Variants in PEBP4 observed in about 807,000 individuals in gnomAD.
PEBP4 encodes the protein phosphatidylethanolamine binding protein 4.
PEBP4 carries 22 observed loss-of-function variants against 23.9 expected under a neutral mutation model. The observed-to-expected ratio is 0.92, with a 90% CI of 0.66 to 1.31. The LOEUF is 1.31. PEBP4 is among the 40% of genes most tolerant of loss of function. The pLI, the probability that PEBP4 is intolerant of heterozygous loss-of-function variation, is 0.00. For synonymous variants in PEBP4, 112 were observed against 99.3 expected, an observed-to-expected ratio of 1.13 and a Z score of -0.76; for missense variants, 324 against 281.7, an observed-to-expected ratio of 1.15 and a Z score of -1.07.
chr8:22,931,734 C>T (rs1374828086), upstream of PEBP4, among the ~76,000 whole-genome samples: 1 of 152,198 alleles, frequency 6.6e-6, no homozygotes, highest in East Asian at 1.9e-4. Context: ...CAGGCACGCA[C>T]CACTATGCCC....
intron 4 of PEBP4, among the ~76,000 whole-genome samples, chr8:22,786,090 C>G (rs1185819052): frequency 6.6e-6 from 1 of 152,174 alleles, no homozygotes; most frequent in Non-Finnish European, 1.5e-5. Context: ...GGCTGTCTTT[C>G]CCTTCCTCCT....
intron 3 of PEBP4, among the ~76,000 whole-genome samples, chr8:22,913,970 T>C (rs1809009884): frequency 6.7e-6 from 1 of 149,238 alleles, no homozygotes; most frequent in African/African-American, 2.5e-5. Context: ...AGGTGTGAAC[T>C]ACCAGGCCTG....
chr8:22,921,662 G>T (rs946959238), intron 2 of PEBP4, among the ~76,000 whole-genome samples: 2 of 152,260 alleles, frequency 1.3e-5, no homozygotes, highest in African/African-American at 2.4e-5. Flanking sequence ...TGGTCTCAGA[G>T]AGTGGAAGCC....
chr8:22,842,972 C>G (rs753895732), intron 3 of PEBP4, among the ~76,000 whole-genome samples: 1 of 152,120 alleles, frequency 6.6e-6, no homozygotes, highest in Non-Finnish European at 1.5e-5. Flanking sequence ...TGATTACAGG[C>G]GCCCGCCAAC....
At chr8:22,895,861 G>GA (rs1808580416) in intron 3 of PEBP4, 1 of 152,180 alleles carries the variant, frequency 6.6e-6, no homozygotes, top group Non-Finnish European at 1.5e-5. Context: ...TTCCAAGTTT[G>GA]TCGGAAGTTC....
At chr8:22,763,958 C>G (rs756802315) in intron 4 of PEBP4, among the ~76,000 whole-genome samples, 9 of 152,160 alleles carry the variant, frequency 5.9e-5, no homozygotes, top group Non-Finnish European at 1.2e-4. Context: ...TTCAAGAGCC[C>G]ATACTCCAGA....
intron 4 of PEBP4, among the ~76,000 whole-genome samples, chr8:22,728,563 C>CTTCCTTCCTTT: frequency 1.4e-5 from 1 of 69,304 alleles, no homozygotes; most frequent in Non-Finnish European, 3.2e-5. Context: ...TTTCTTTCTT[C>CTTCCTTCCTTT]CTTCCTTCCT....
At chr8:22,805,969 C>G (rs1806486769) in intron 4 of PEBP4, among the ~76,000 whole-genome samples, 1 of 152,122 alleles carries the variant, frequency 6.6e-6, no homozygotes, top group African/African-American at 2.4e-5. Flanking sequence ...GAAACCTTTA[C>G]TTTTATTGAT....
intron 3 of PEBP4, among the ~76,000 whole-genome samples, chr8:22,839,044 A>G (rs1807267210): frequency 1.3e-5 from 2 of 152,178 alleles, no homozygotes; most frequent in Admixed American, 6.5e-5. Context: ...TAGTGCTTTT[A>G]TGAGAAAAAA....
At chr8:22,795,180 T>A (rs867063516) in intron 4 of PEBP4, among the ~76,000 whole-genome samples, 14,852 of 103,256 alleles carry the variant, frequency 0.14, 1,558 homozygotes, top group Middle Eastern at 0.19. Context: ...TTTTTTTTTT[T>A]TTTTTTTTTT....
chr8:22,731,997 G>A (rs972547259), intron 4 of PEBP4, among the ~76,000 whole-genome samples: 1 of 152,018 alleles, frequency 6.6e-6, no homozygotes, highest in African/African-American at 2.4e-5. Flanking sequence ...ATTGTTTAAG[G>A]GTGAACAGTA....
At chr8:22,903,696 A>G (rs1391781204) in intron 3 of PEBP4, among the ~76,000 whole-genome samples, 2 of 152,186 alleles carry the variant, frequency 1.3e-5, no homozygotes, top group African/African-American at 2.4e-5. Flanking sequence ...GCCTCGATCT[A>G]TAAATCAACC....
chr8:22,851,638 A>G (rs6557596), intron 3 of PEBP4, among the ~76,000 whole-genome samples: 138,072 of 152,182 alleles, frequency 0.91, 62,763 homozygotes, highest in Admixed American at 0.94. Context: ...CCTCACACCT[A>G]AAGCTGACAA....
chr8:22,861,725 T>C (rs531884216), intron 3 of PEBP4, among the ~76,000 whole-genome samples: 1 of 152,270 alleles, frequency 6.6e-6, no homozygotes, highest in East Asian at 1.9e-4. Flanking sequence ...TTTCCTTAGG[T>C]CCAAAGGATG....
chr8:22,838,753 C>T (rs532491524), intron 3 of PEBP4, among the ~76,000 whole-genome samples: 218 of 152,386 alleles, frequency 1.4e-3, no homozygotes, highest in Middle Eastern at 3.4e-3. Context: ...CCTAAGCCGC[C>T]GCAGTCGCCA....
At chr8:22,768,647 C>T (rs1276008305) in intron 4 of PEBP4, among the ~76,000 whole-genome samples, 2 of 152,036 alleles carry the variant, frequency 1.3e-5, no homozygotes, top group African/African-American at 4.8e-5. Context: ...CAATACGGAG[C>T]CTTTTGAGGC....
At chr8:22,866,872 G>A (rs1225941450) in intron 3 of PEBP4, among the ~76,000 whole-genome samples, 1 of 152,176 alleles carries the variant, frequency 6.6e-6, no homozygotes, top group East Asian at 1.9e-4. Flanking sequence ...AAAAGGTGGT[G>A]ATGTGTGAGT....
intron 6 of PEBP4, 66 bp from the exon 7 acceptor site, chr8:22,713,602 G>T (rs1020930248): frequency 2.1e-4 from 344 of 1,606,250 alleles, no homozygotes; most frequent in Non-Finnish European, 7.8e-5. Flanking sequence ...GCTGGCAGGG[G>T]CCTGAGAGGG....
At chr8:22,717,586 G>T (rs1804440500) in intron 6 of PEBP4, among the ~76,000 whole-genome samples, 1 of 152,206 alleles carries the variant, frequency 6.6e-6, no homozygotes, top group South Asian at 2.1e-4. Flanking sequence ...CAAGGAGTGG[G>T]TTGCTGAGAC....
Sources: allele counts gnomAD v4.1 joint callset (sites outside exome capture counted in the v4.1 genomes callset), GRCh38; gene constraint gnomAD v4.1.1; transcripts MANE v1.5; gene names NCBI Gene and HGNC (gene_info 2026-07-23, HGNC 2026-07-21).